Variants in SNTB2 observed in about 807,000 individuals in gnomAD.
SNTB2 encodes syntrophin beta 2, also known as beta-2-syntrophin.
A neutral mutation model predicts 46.2 loss-of-function variants in SNTB2; 34 were observed. The ratio of observed to expected loss-of-function variants is 0.74; its 90% confidence interval spans 0.56 to 0.98. The LOEUF is 0.98. Among genes scored for constraint, SNTB2 ranks in the 50% least tolerant of loss-of-function variants. SNTB2 has a pLI of 0.00. For missense variants in SNTB2, 603 were observed against 731.4 expected, an observed-to-expected ratio of 0.82 and a Z score of 2.02; for synonymous variants, 290 against 312.6, an observed-to-expected ratio of 0.93 and a Z score of 0.76.
rs1272967549 is a variant in SNTB2 at position 69,305,632 on chromosome 16, G to C, written c.*4708G>C. ...TGGGATTCTGCTTAAACTTTAAGTT[G>C]AATTTGACTGTAGTCATTCATTCTT... On this transcript the variant is annotated 3_prime_UTR_variant, in exon 7 of 7. Transcript: ENST00000336278. 6.6e-6 allele frequency: 1 copy of C among 152,110 alleles called. No individual in the cohort carries two copies. The highest frequency in any genetic ancestry group is 2.4e-5 in the African/African-American group (1 of 41,418). The allele number at this position is 152,110 out of a possible 1,614,324, so 9.4% of individuals were successfully genotyped here.
At chr16:69,227,453 A>C (rs1430618663) in intron 1 of SNTB2, among the ~76,000 whole-genome samples, 2 of 152,246 alleles carry the variant, frequency 1.3e-5, no homozygotes, top group African/African-American at 2.4e-5. Flanking sequence ...CCACTGTCAC[A>C]GAAATATTGG....
Position 69,307,098 on chromosome 16 carries a change from A to G in SNTB2, c.*6174A>G, listed in dbSNP as rs557067547. On this transcript the variant is annotated 3_prime_UTR_variant, in exon 7 of 7. Coordinates refer to ENST00000336278, the MANE Select transcript of SNTB2 (RefSeq NM_006750.4). ...TTCTTTCATCTAATAAACATTTATTAATGTATAGTTCTACACCAGGCATTC... is the reference window on the plus strand; with the variant it reads ...TTCTTTCATCTAATAAACATTTATTGATGTATAGTTCTACACCAGGCATTC... 2.5e-4 allele frequency: 38 copies of G among 152,348 alleles called. No homozygotes were observed. The highest frequency in any genetic ancestry group is 8.9e-4 in the African/African-American group (37 of 41,576). The allele number at this position is 152,348 out of a possible 1,614,324, so 9.4% of individuals were successfully genotyped here.
At chr16:69,295,943 C>G (rs1467719079) in intron 5 of SNTB2, among the ~76,000 whole-genome samples, 1 of 152,140 alleles carries the variant, frequency 6.6e-6, no homozygotes, top group Non-Finnish European at 1.5e-5. Context: ...ATTTACATGA[C>G]CAGGTCACAG....
chr16:69,200,573 A>C (rs114090222), intron 1 of SNTB2, among the ~76,000 whole-genome samples: 2,080 of 152,358 alleles, frequency 0.014, 57 homozygotes, highest in African/African-American at 0.048. Flanking sequence ...GGAGAGGTTC[A>C]TGGGGGTTTT....
At chr16:69,209,540 A>G (rs1964257987) in intron 1 of SNTB2, among the ~76,000 whole-genome samples, 1 of 152,232 alleles carries the variant, frequency 6.6e-6, no homozygotes. Context: ...AATTCAGTAG[A>G]CATTGAATGA....
intron 2 of SNTB2, among the ~76,000 whole-genome samples, chr16:69,250,862 G>A (rs759776815): frequency 4.6e-5 from 7 of 152,024 alleles, no homozygotes; most frequent in Non-Finnish European, 8.8e-5. Flanking sequence ...GACACACCAG[G>A]TGACAGAGTG....
intron 1 of SNTB2, among the ~76,000 whole-genome samples, chr16:69,208,181 C>T (rs536130836): frequency 1.1e-4 from 17 of 149,246 alleles, no homozygotes; most frequent in Admixed American, 4.7e-4. Context: ...CCGAGGTGGG[C>T]GGATCACCTG....
intron 1 of SNTB2, among the ~76,000 whole-genome samples, chr16:69,191,661 G>A (rs1195222204): frequency 6.6e-6 from 1 of 150,890 alleles, no homozygotes; most frequent in African/African-American, 2.4e-5. Context: ...TTGTTTTTGA[G>A]ACAGAGTCTC....
At position 69,305,194 on chromosome 16, in the gene SNTB2, A is replaced by G. The variant is rs982530701; in HGVS notation, c.*4270A>G. On this transcript the variant is annotated 3_prime_UTR_variant, in exon 7 of 7. Transcript: ENST00000336278. ...AAGCCATGGAAGAATCTCTGTTCAT[A>G]TATTTTAATGCAAATTACCTTGTAT... is the stretch of plus-strand genomic sequence containing the variant. 1 of 152,642 alleles carries G rather than the reference A, an allele frequency of 6.6e-6. No individual in the cohort carries two copies. The highest frequency in any genetic ancestry group is 1.5e-5 in the Non-Finnish European group (1 of 68,048). The allele number at this position is 152,642 out of a possible 1,614,324, so 9.5% of individuals were successfully genotyped here.
At chr16:69,243,113 GTTTAA>G (rs1317725590) in intron 1 of SNTB2, among the ~76,000 whole-genome samples, 5 of 151,736 alleles carry the variant, frequency 3.3e-5, no homozygotes, top group South Asian at 2.1e-4. Context: ...AAACATCAGT[GTTTAA>G]TTAAATTATT....
At chr16:69,296,966 C>T (rs1965231970) in intron 5 of SNTB2, among the ~76,000 whole-genome samples, 1 of 150,940 alleles carries the variant, frequency 6.6e-6, no homozygotes, top group Non-Finnish European at 1.5e-5. Context: ...TGCGCCATTG[C>T]CCTCCAGCCT....
At chr16:69,290,207 G>A (rs532174036) in intron 5 of SNTB2, among the ~76,000 whole-genome samples, 1 of 152,164 alleles carries the variant, frequency 6.6e-6, no homozygotes, top group African/African-American at 2.4e-5. Context: ...TGAACTTCAA[G>A]ATGAGTAGGC....
chr16:69,294,390 C>T (rs1481112122), intron 5 of SNTB2, among the ~76,000 whole-genome samples: 1 of 151,954 alleles, frequency 6.6e-6, no homozygotes, highest in Non-Finnish European at 1.5e-5. Context: ...GACTAAAGAG[C>T]CATCAGTCAG....
Position 69,300,860 on chromosome 16 carries a change from C to T in SNTB2, c.1559C>T (p.Pro520Leu), listed in dbSNP as rs201387225. Residue 520 changes from proline (P) to leucine (L), a missense_variant, in exon 7 of 7, where the codon CCG (proline) becomes CTG (leucine). This residue lies in a region of SNTB2 where 537 missense variants were observed against 692.4 expected (regional missense o/e 0.78). Transcript: ENST00000336278. ...LTMDLHSCPK[P>L]IVFVLHTFLS... ...ATGGACCTGCACTCTTGTCCGAAGC[C>T]GATTGTATTTGTGTTGCACACGTTT... 4.6e-5 allele frequency: 74 copies of T among 1,613,718 alleles called. No homozygotes were observed. The highest frequency in any genetic ancestry group is 1.2e-4 in the Admixed American group (7 of 59,980).
intron 4 of SNTB2, among the ~76,000 whole-genome samples, chr16:69,271,937 G>A (rs1039175781): frequency 6.6e-6 from 1 of 152,202 alleles, no homozygotes; most frequent in African/African-American, 2.4e-5. Context: ...TGGAGATGGG[G>A]TGGTGTATGT....
intron 4 of SNTB2, among the ~76,000 whole-genome samples, chr16:69,280,494 A>AC (rs1172772937): frequency 1.5e-4 from 20 of 134,694 alleles, no homozygotes; most frequent in African/African-American, 5.0e-4. Context: ...CGGGGGGCTG[A>AC]CCCCCCCACC....
chr16:69,206,791 G>A (rs1359909022), intron 1 of SNTB2, among the ~76,000 whole-genome samples: 1 of 151,336 alleles, frequency 6.6e-6, no homozygotes, highest in African/African-American at 2.4e-5. Flanking sequence ...TTGAGACAGA[G>A]TTTTGCTCTT....
Position 69,259,236 on chromosome 16 carries a change from A to ATTT in SNTB2, c.795-788_795-786dup, listed in dbSNP as rs58387978. ...TAACTAGCCCAAGTTGGTCTTTCTG[A>ATTT]TTTTTTTTTTTTTTTTTTTTTTTTT... On this transcript the variant is annotated intron_variant, in intron 2 of 6. Coordinates refer to ENST00000336278, the MANE Select transcript of SNTB2 (RefSeq NM_006750.4). 4.0e-4 allele frequency among the ~76,000 whole-genome samples: 28 copies of ATTT among 69,190 alleles called. 1 individual carries two copies. Among genetic ancestry groups the ATTT allele is most frequent in the Non-Finnish European group, 5.5e-4 (19 of 34,784 alleles). 45.4% of individuals were successfully genotyped at this position (69,190 alleles called of 152,430 possible). A position where few individuals can be genotyped will look rare whatever the true frequency, so the allele number is the denominator to read the frequency against.
intron 1 of SNTB2, chr16:69,240,768 A>G (rs1347602664): frequency 2.6e-5 from 4 of 152,256 alleles, no homozygotes; most frequent in South Asian, 2.1e-4. Context: ...AGGTTGATCC[A>G]TTTATCCAAA....
Sources: gnomAD v4.1 joint callset for allele counts (sites outside exome capture counted in the v4.1 genomes callset) on GRCh38, gnomAD v4.1.1 for gene constraint, gnomAD v4.1.1 regional missense constraint, MANE v1.5 for transcripts, NCBI Gene and HGNC (gene_info 2026-07-23, HGNC 2026-07-21) for gene names.